The following HELZ variants were observed in gnomAD, a reference collection of about 807,000 sequenced individuals.
The protein encoded by HELZ is ATP-dependent RNA helicase with zinc finger domain.
A neutral mutation model predicts 218.2 loss-of-function variants in HELZ; 23 were observed. The ratio of observed to expected loss-of-function variants is 0.11; its 90% CI spans 0.08 to 0.15. The LOEUF (loss-of-function observed/expected upper bound fraction) is 0.15, where lower values mean the gene tolerates loss of function less well. Ranked by LOEUF, HELZ falls within the 10% of genes least tolerant of loss-of-function variation. The probability of loss-of-function intolerance (pLI) is 1.00; values close to 1 mark genes in which losing one functional copy is unlikely to be tolerated. For synonymous variants in HELZ, 814 were observed against 829.4 expected (o/e 0.98, Z 0.32); for missense variants, 1,813 against 2,353.7 (o/e 0.77, Z 4.75).
rs1156703418 is a variant in HELZ, at chr17:67,190,866, C to T, written c.558-511G>A. On this transcript the variant is annotated intron_variant, in intron 9 of 32. Transcript: ENST00000358691. ...CTGGGATTACAGGCGCCCGCCACCA[C>T]GCCTGGCTAGTTTTTGTATTTTTAG... Among the ~76,000 whole-genome samples, 6 of 152,250 alleles carry T rather than the reference C, an allele frequency of 3.9e-5. No individual in the cohort carries two copies. In the East Asian group the frequency reaches 7.7e-4, roughly 20 times the overall value.
Position 67,190,359 on chromosome 17 carries a change from A to G in HELZ, c.558-4T>C. 1 of 1,602,926 alleles carries G rather than the reference A, an allele frequency of 6.2e-7. No individual in the cohort carries two copies. The highest frequency in any genetic ancestry group is 1.1e-5 in the South Asian group (1 of 90,828). On this transcript the variant is annotated splice_region_variant and splice_polypyrimidine_tract_variant and intron_variant, in intron 9 of 32. Coordinates refer to ENST00000358691, the MANE Select transcript of HELZ (RefSeq NM_014877.4). The stretch of plus-strand genomic sequence containing the variant: ...ACAGATTCCTTGTTCTAAAAATCTA[A>G]GTAGAATAGGAAAGACTGTTTTATC...
chr17:67,222,310 A>G (rs771660799), intron 3 of HELZ, among the ~76,000 whole-genome samples: 14 of 152,232 alleles, frequency 9.2e-5, no homozygotes, highest in Admixed American at 5.9e-4. Flanking sequence ...AGAAAAAAGT[A>G]TATCTGCAAG....
At chr17:67,159,605 A>G (rs533012567) in intron 17 of HELZ, among the ~76,000 whole-genome samples, 1 of 152,294 alleles carries the variant, frequency 6.6e-6, no homozygotes, top group South Asian at 2.1e-4. Context: ...ATAATAAATA[A>G]CAATTTGATG....
intron 3 of HELZ, among the ~76,000 whole-genome samples, chr17:67,238,377 A>T (rs954283161): frequency 6.6e-6 from 1 of 151,382 alleles, no homozygotes; most frequent in Admixed American, 6.6e-5. Context: ...AAAAGGAAGA[A>T]AATTAATTTA....
intron 3 of HELZ, among the ~76,000 whole-genome samples, chr17:67,221,850 T>TG (rs2040755128): frequency 6.6e-6 from 1 of 151,540 alleles, no homozygotes. Context: ...GTGTTTTTTT[T>TG]TTTTTTTTTA....
At chr17:67,091,234 T>C (rs561565581) in intron 31 of HELZ, among the ~76,000 whole-genome samples, 19 of 152,002 alleles carry the variant, frequency 1.2e-4, no homozygotes, top group African/African-American at 4.6e-4. Context: ...TTCAAATACA[T>C]AATGATATCA....
At chr17:67,176,834 C>T (rs2039472098) in intron 13 of HELZ, among the ~76,000 whole-genome samples, 1 of 151,954 alleles carries the variant, frequency 6.6e-6, no homozygotes. Flanking sequence ...AGAGTGAGAC[C>T]CTGTCTCAAA....
chr17:67,176,522 CA>C (rs1402475231), intron 13 of HELZ: 2 of 152,186 alleles, frequency 1.3e-5, no homozygotes, highest in African/African-American at 4.8e-5. Flanking sequence ...TACAAACTGC[CA>C]AACAGCTCTC....
chr17:67,105,398 T>G lies in HELZ; in HGVS notation c.5241+1771A>C, dbSNP rs533536075. 5.9e-5 allele frequency among the ~76,000 whole-genome samples: 9 copies of G among 152,332 alleles called. No homozygotes were observed. In the South Asian group the frequency reaches 1.9e-3, roughly 32 times the overall value. On this transcript the variant is annotated intron_variant, in intron 31 of 32. Transcript: ENST00000358691. ...AGGCCACATAATGTATGACTCAATT[T>G]TTATGAAATGTCTCCATAGACACAG...
intron 22 of HELZ, among the ~76,000 whole-genome samples, chr17:67,137,601 A>G (rs1331215326): frequency 6.6e-6 from 1 of 152,202 alleles, no homozygotes; most frequent in African/African-American, 2.4e-5. Flanking sequence ...AAAAATCTTT[A>G]TGAAGAAATT....
chr17:67,070,640 A>G lies in HELZ; in HGVS notation c.*7612T>C, dbSNP rs890159204. On this transcript the variant is annotated 3_prime_UTR_variant, in exon 33 of 33. Coordinates refer to ENST00000358691, the MANE Select transcript of HELZ (RefSeq NM_014877.4). ...TTCCAAAACTAAGTTAGAAAAGATA[A>G]AGACAAAGAAAGAAGAAAATAAAAA... 1 of 152,230 alleles carries G rather than the reference A, an allele frequency of 6.6e-6. No individual in the cohort carries two copies. Among genetic ancestry groups the G allele is most frequent in the African/African-American group, 2.4e-5 (1 of 41,468 alleles). 9.4% of individuals were successfully genotyped at this position (152,230 alleles called of 1,614,324 possible).
At position 67,178,660 on chromosome 17, in the gene HELZ, T is replaced by C. The variant is rs1373708353; in HGVS notation, c.1429A>G (p.Lys477Glu). The change falls in exon 13 of 33, where the codon AAG becomes GAG. Residue 477 changes from lysine (K) to glutamate (E), a missense_variant and splice_region_variant. Transcript: ENST00000358691. Reference sequence around the variant, plus strand: ...TAAAGTGTTTCTAAAGTAACTTACTTGCTGATTTCTTTATACTGGGCTATC... The same window carrying C: ...TAAAGTGTTTCTAAAGTAACTTACTCGCTGATTTCTTTATACTGGGCTATC... ...EEIAQYKEIS[K>E]FNLKVQLQIL... 6.2e-7 allele frequency: 1 copy of C among 1,600,972 alleles called. No individual in the cohort carries two copies. Among genetic ancestry groups the C allele is most frequent in the Non-Finnish European group, 8.5e-7 (1 of 1,174,340 alleles).
At chr17:67,122,211 T>C (rs2037630849) in intron 26 of HELZ, among the ~76,000 whole-genome samples, 1 of 152,106 alleles carries the variant, frequency 6.6e-6, no homozygotes, top group African/African-American at 2.4e-5. Context: ...GAGACCAGCC[T>C]GACCAACATG....
chr17:67,125,096 T>G (rs762852694), intron 24 of HELZ, among the ~76,000 whole-genome samples: 7 of 150,900 alleles, frequency 4.6e-5, no homozygotes, highest in African/African-American at 1.5e-4. Context: ...TATCTAACTG[T>G]TGGAAAGAGC....
chr17:67,098,582 A>G (rs1209919137), intron 31 of HELZ, among the ~76,000 whole-genome samples: 3 of 151,720 alleles, frequency 2.0e-5, no homozygotes, highest in African/African-American at 4.8e-5. Context: ...TAAAAAAAAA[A>G]AAAAAAGAAA....
intron 15 of HELZ, among the ~76,000 whole-genome samples, chr17:67,163,135 C>T (rs2039038284): frequency 2.0e-5 from 3 of 152,116 alleles, no homozygotes; most frequent in Admixed American, 2.0e-4. Flanking sequence ...ACATGTAAAG[C>T]TGTTTAGAAA....
chr17:67,220,535 T>C (rs990352224), intron 3 of HELZ, among the ~76,000 whole-genome samples: 5 of 152,148 alleles, frequency 3.3e-5, no homozygotes, highest in African/African-American at 9.7e-5. Context: ...TAGGCTCGAG[T>C]AGAGTGGCAC....
At chr17:67,125,146 C>T (rs1273044489) in intron 24 of HELZ, among the ~76,000 whole-genome samples, 3 of 150,142 alleles carry the variant, frequency 2.0e-5, no homozygotes, top group African/African-American at 7.4e-5. Context: ...GGTTTAAGGT[C>T]AATTGGTTAT....
At position 67,107,235 on chromosome 17, in the gene HELZ, A is replaced by C; in HGVS notation, c.5175T>G (p.Gly1725=). 6.2e-7 allele frequency: 1 copy of C among 1,614,218 alleles called. No homozygotes were observed. The highest frequency in any genetic ancestry group is 8.5e-7 in the Non-Finnish European group (1 of 1,180,018). ...ATGACAATGGGTGAAATGGCTCTTG[A>C]CCAATAGCATGTTGATGATTCTGTA... ...VQIQNHQHAI[G]QEPFHPLSSR... The change falls in exon 31 of 33, where the codon GGT becomes GGG. Residue 1725 remains glycine, a synonymous_variant. Coordinates refer to ENST00000358691, the MANE Select transcript of HELZ (RefSeq NM_014877.4).
Sources: allele counts gnomAD v4.1 joint callset (sites outside exome capture counted in the v4.1 genomes callset), GRCh38; gene constraint gnomAD v4.1.1; transcripts MANE v1.5; gene names NCBI Gene and HGNC (gene_info 2026-07-23, HGNC 2026-07-21).